The following ITGB2 variants were observed in gnomAD, a reference collection of about 807,000 sequenced individuals.
ITGB2 encodes integrin subunit beta 2, also known as integrin beta-2.
ITGB2 carries 56 observed loss-of-function variants against 86.8 expected under a neutral mutation model. The observed-to-expected ratio is 0.65, with a 90% CI of 0.52 to 0.81. The LOEUF is 0.81. ITGB2 is among the 30% of genes least tolerant of loss of function. ITGB2 has a pLI of 0.00. For synonymous variants in ITGB2, 457 were observed against 450.4 expected (o/e 1.01, Z -0.19); for missense variants, 948 against 1,061.2 (o/e 0.89, Z 1.48).
intron 11 of ITGB2, 106 bp downstream of exon 11, chr21:44,891,703 G>A (rs955488150): frequency 1.5e-6 from 2 of 1,304,718 alleles, no homozygotes; most frequent in African/African-American, 2.9e-5. Flanking sequence ...CCTGCTCCGT[G>A]GGGTGGGGGA....
chr21:44,899,069 C>T lies in ITGB2; in HGVS notation c.991G>A (p.Glu331Lys), dbSNP rs755600323. 12 of 1,612,412 alleles carry T rather than the reference C, an allele frequency of 7.4e-6. No homozygotes were observed. Among genetic ancestry groups the T allele is most frequent in the East Asian group, 2.2e-5 (1 of 44,884 alleles). The change falls in exon 8 of 16, where the codon GAG (glutamate) becomes AAG (lysine). Residue 331 changes from glutamate (E) to lysine (K), a missense_variant and splice_region_variant. Glu to Lys is a moderately conservative substitution (Grantham distance 56, BLOSUM62 1). Coordinates refer to ENST00000652462, the MANE Select transcript of ITGB2 (RefSeq NM_000211.5). ...AVTSRMVKTY[E>K]KLTEIIPKSA... ...GCTCGGGACCCAACAGCACTCACCTCGTAGGTCTTCACCATCCTACTGGTC... is the reference window on the plus strand; with the variant it reads ...GCTCGGGACCCAACAGCACTCACCTTGTAGGTCTTCACCATCCTACTGGTC...
Position 44,910,736 on chromosome 21 carries a change from G to T in ITGB2, c.47C>A (p.Ser16Tyr), listed in dbSNP as rs896554780. 1 of 1,614,056 alleles carries T rather than the reference G, an allele frequency of 6.2e-7. No homozygotes were observed. Among genetic ancestry groups the T allele is most frequent in the South Asian group, 1.1e-5 (1 of 91,060 alleles). The change falls in exon 2 of 16, where the codon TCC (serine) becomes TAC (tyrosine). Residue 16 changes from serine to tyrosine, a missense_variant. Coordinates refer to ENST00000652462, the MANE Select transcript of ITGB2 (RefSeq NM_000211.5). ...AACACAGAACTCACCGCACCCGAGG[G>T]AGAGCAGCCCCACCAGGGCGAGCAG... The part of the protein sequence containing the change: ...PPLLALVGLL[S>Y]LGCVLSQECT...
intron 1 of ITGB2, chr21:44,927,628 C>G (rs1190946942): frequency 6.6e-6 from 1 of 152,400 alleles, no homozygotes; most frequent in African/African-American, 2.4e-5. Context: ...CCCCCAGTGA[C>G]TTCCTTCTGC....
At chr21:44,909,436 C>G (rs1388927851) in intron 3 of ITGB2, 1 of 152,414 alleles carries the variant, frequency 6.6e-6, no homozygotes, top group African/African-American at 2.4e-5. Context: ...ACAAAGAAAG[C>G]TGAGGACTTG....
Position 44,903,358 on chromosome 21 carries a change from G to A in ITGB2, c.499+7C>T, listed in dbSNP as rs17004715. ...CTGGGTTTTGTCCTGCAGTGCCTGG[G>A]CCTCACCAATGCGGCCGGACTCGGT... On this transcript the variant is annotated splice_region_variant and intron_variant, in intron 5 of 15. Coordinates refer to ENST00000652462, the MANE Select transcript of ITGB2 (RefSeq NM_000211.5). 0.018 allele frequency: 28,860 copies of A among 1,613,970 alleles called. 500 individuals carry two copies. Among genetic ancestry groups the A allele is most frequent in the African/African-American group, 0.085 (6,350 of 74,984 alleles).
intron 5 of ITGB2, 143 bp from the exon 6 acceptor site, chr21:44,901,876 G>A (rs1244993353): frequency 2.3e-6 from 2 of 884,242 alleles, no homozygotes; most frequent in East Asian, 5.3e-5. Context: ...TGGAGTGTGT[G>A]TGTGAGCATG....
chr21:44,916,288 C>T (rs150131935), intron 1 of ITGB2, among the ~76,000 whole-genome samples: 63 of 151,912 alleles, frequency 4.1e-4, no homozygotes, highest in Non-Finnish European at 7.7e-4. Flanking sequence ...CCCACCCCCC[C>T]GACACACACA....
intron 1 of ITGB2, among the ~76,000 whole-genome samples, chr21:44,913,494 G>A (rs1043085239): frequency 1.3e-5 from 2 of 152,164 alleles, no homozygotes; most frequent in African/African-American, 4.8e-5. Flanking sequence ...CCACAGGAAG[G>A]GGGCTGGTGG....
intron 1 of ITGB2, among the ~76,000 whole-genome samples, chr21:44,916,094 T>C (rs2146557299): frequency 6.6e-6 from 1 of 152,224 alleles, no homozygotes; most frequent in South Asian, 2.1e-4. Flanking sequence ...AGCTAATTTT[T>C]GTATTTTTAG....
intron 8 of ITGB2, among the ~76,000 whole-genome samples, chr21:44,897,401 A>T (rs534751534): frequency 9.5e-4 from 144 of 152,270 alleles, no homozygotes; most frequent in Non-Finnish European, 1.7e-3. Context: ...GGCAGGGGGA[A>T]GAGGGGGCCC....
intron 1 of ITGB2, among the ~76,000 whole-genome samples, chr21:44,915,516 C>G (rs78070573): frequency 2.0e-5 from 3 of 152,138 alleles, no homozygotes; most frequent in Non-Finnish European, 4.4e-5. Context: ...TGGACGATGC[C>G]GCCAGGGGAC....
intron 1 of ITGB2, among the ~76,000 whole-genome samples, chr21:44,919,124 C>T (rs1237373145): frequency 1.3e-5 from 2 of 152,160 alleles, no homozygotes; most frequent in Admixed American, 1.3e-4. Context: ...CCCGCCCGGT[C>T]ACCTGCTTCA....
intron 7 of ITGB2, among the ~76,000 whole-genome samples, chr21:44,900,028 A>C (rs1332944384): frequency 6.6e-6 from 1 of 150,506 alleles, no homozygotes; most frequent in Non-Finnish European, 1.5e-5. Flanking sequence ...ATACCTCCAC[A>C]GCAGCTGTCA....
At chr21:44,897,720 A>C (rs2083889717) in intron 8 of ITGB2, among the ~76,000 whole-genome samples, 1 of 152,078 alleles carries the variant, frequency 6.6e-6, no homozygotes, top group Non-Finnish European at 1.5e-5. Context: ...TGGCTGTGTA[A>C]AGTACAATGA....
chr21:44,902,999 T>C (rs1473362884), intron 5 of ITGB2, among the ~76,000 whole-genome samples: 2 of 152,216 alleles, frequency 1.3e-5, no homozygotes. Flanking sequence ...GAGCTTGCTG[T>C]GTGGTTTCTT....
chr21:44,887,521 C>A (rs1009410990), intron 14 of ITGB2, among the ~76,000 whole-genome samples: 2 of 152,196 alleles, frequency 1.3e-5, no homozygotes, highest in South Asian at 2.1e-4. Context: ...CTCCCTGTAC[C>A]CCTCCTGCCA....
intron 1 of ITGB2, among the ~76,000 whole-genome samples, chr21:44,912,756 C>T (rs576324174): frequency 1.3e-5 from 2 of 152,110 alleles, no homozygotes; most frequent in Admixed American, 6.5e-5. Context: ...CTCAGCTGAT[C>T]GGAGGCCCTG....
At chr21:44,886,463 G>A (rs1216432424) in intron 15 of ITGB2, 33 bp from the exon 16 acceptor site, 1 of 1,608,218 alleles carries the variant, frequency 6.2e-7, no homozygotes, top group African/African-American at 1.3e-5. Flanking sequence ...GCTTGTGAGT[G>A]TGGGAGGTTT....
chr21:44,889,383 A>ACCACGGC lies in ITGB2; in HGVS notation c.1769_1770insGCCGTGG (p.Cys590TrpfsTer4). ...TGCAGCGGCACCGGCCACGACCACT[A>ACCACGGC]CACTCAACACGCCGCGGGTTCAGGC... is the stretch of plus-strand genomic sequence containing the variant. On this transcript the variant is annotated frameshift_variant, in exon 13 of 16. Coordinates refer to ENST00000652462, the MANE Select transcript of ITGB2 (RefSeq NM_000211.5). LOFTEE classifies it high-confidence loss of function. 6.2e-7 allele frequency: 1 copy of ACCACGGC among 1,612,762 alleles called. No individual in the cohort carries two copies. Among genetic ancestry groups the ACCACGGC allele is most frequent in the Non-Finnish European group, 8.5e-7 (1 of 1,179,824 alleles).
Sources: gnomAD v4.1 joint callset for allele counts (sites outside exome capture counted in the v4.1 genomes callset) on GRCh38, gnomAD v4.1.1 for gene constraint, MANE v1.5 for transcripts, NCBI Gene and HGNC (gene_info 2026-07-23, HGNC 2026-07-21) for gene names.